The following PLSCR4 variants were observed in gnomAD, a reference collection of about 807,000 sequenced individuals.
PLSCR4 encodes phospholipid scramblase 4.
A neutral mutation model predicts 36.3 loss-of-function variants in PLSCR4; 25 were observed. The ratio of observed to expected loss-of-function variants is 0.69; its 90% CI spans 0.50 to 0.96. The LOEUF is 0.96. PLSCR4 is among the 40% of genes least tolerant of loss of function. PLSCR4 has a pLI of 0.00. For synonymous variants in PLSCR4, 122 were observed against 132.9 expected, an observed-to-expected ratio of 0.92 and a Z score of 0.56; for missense variants, 408 against 414.7, an observed-to-expected ratio of 0.98 and a Z score of 0.14.
At chr3:146,196,526 A>G in intron 7 of PLSCR4, 106 bp downstream of exon 7, 2 of 1,010,846 alleles carry the variant, frequency 2.0e-6, no homozygotes, top group Non-Finnish European at 3.0e-6. Flanking sequence ...TCCTAACACT[A>G]TGTTATTCAT....
In PLSCR4 at chr3:146,206,642, G is replaced by T; in HGVS notation, c.238C>A (p.Pro80Thr). 6.2e-7 allele frequency: 1 copy of T among 1,613,462 alleles called. No homozygotes were observed. Among genetic ancestry groups the T allele is most frequent in the Non-Finnish European group, 8.5e-7 (1 of 1,179,646 alleles). The change falls in exon 4 of 9, where the codon CCT (proline) becomes ACT (threonine). Residue 80 changes from proline (P) to threonine (T), a missense_variant. Pro to Thr is a conservative substitution (Grantham distance 38, BLOSUM62 -1). Coordinates refer to ENST00000354952, the MANE Select transcript of PLSCR4 (RefSeq NM_020353.3). ...TATTTGCCAGGCTGATACCGGACAG[G>T]ATGGATACCACCAACTGGCTGGTAC... ...PLYQPVGGIH[P>T]VRYQPGKYPM...
At chr3:146,222,740 G>A (rs114075026) in intron 1 of PLSCR4, among the ~76,000 whole-genome samples, 2 of 152,314 alleles carry the variant, frequency 1.3e-5, no homozygotes, top group African/African-American at 4.8e-5. Flanking sequence ...TTGCAACTGG[G>A]AAGTCTGGAG....
intron 3 of PLSCR4, 77 bp downstream of exon 3, chr3:146,220,738 G>C: frequency 8.2e-6 from 7 of 856,224 alleles, no homozygotes; most frequent in Non-Finnish European, 1.3e-5. Flanking sequence ...CAATTAATTT[G>C]TTCGCTTAAA....
chr3:146,226,400 G>A (rs2035480956), intron 1 of PLSCR4, among the ~76,000 whole-genome samples: 2 of 152,160 alleles, frequency 1.3e-5, no homozygotes, highest in Admixed American at 6.5e-5. Context: ...CTATCAAGGA[G>A]CCAGAGTGGA....
chr3:146,236,053 G>C (rs2035900850), intron 1 of PLSCR4, among the ~76,000 whole-genome samples: 1 of 151,826 alleles, frequency 6.6e-6, no homozygotes, highest in South Asian at 2.1e-4. Flanking sequence ...GGGAAGCAGA[G>C]CATGAAAGTT....
intron 3 of PLSCR4, among the ~76,000 whole-genome samples, chr3:146,207,855 A>G (rs2034417774): frequency 6.6e-6 from 1 of 152,028 alleles, no homozygotes; most frequent in Non-Finnish European, 1.5e-5. Context: ...TCATGCTTTA[A>G]GAGCACAGTC....
intron 1 of PLSCR4, among the ~76,000 whole-genome samples, chr3:146,226,487 CATCT>C (rs1352584496): frequency 6.6e-6 from 1 of 152,198 alleles, no homozygotes; most frequent in Non-Finnish European, 1.5e-5. Context: ...GTCCGCCTAT[CATCT>C]ATCTAGCTAT....
At chr3:146,237,768 A>G (rs891254841) in intron 1 of PLSCR4, among the ~76,000 whole-genome samples, 1 of 151,300 alleles carries the variant, frequency 6.6e-6, no homozygotes, top group Non-Finnish European at 1.5e-5. Context: ...AAGCTCTTAA[A>G]TAAATAACAT....
At chr3:146,201,227 C>T (rs1311623534) in intron 4 of PLSCR4, 150 bp from the exon 5 acceptor site, 1 of 529,940 alleles carries the variant, frequency 1.9e-6, no homozygotes, top group African/African-American at 2.0e-5. Flanking sequence ...ATTTTACCAA[C>T]TGAAATTAGC....
rs141268618 is a variant in PLSCR4, at chr3:146,206,724, G to A, written c.156C>T (p.Tyr52=). 1 of 1,604,484 alleles carries A rather than the reference G, an allele frequency of 6.2e-7. No homozygotes were observed. The highest frequency in any genetic ancestry group is 1.3e-5 in the African/African-American group (1 of 74,772). ...PGTAVPPPTG[Y]PGGLPMGYYS... ...AGTATCCCATAGGCAAGCCTCCTGG[G>A]TAGCCAGTAGGTGGAGGGACAGCTG... The change falls in exon 4 of 9, where the codon TAC becomes TAT. Residue 52 remains tyrosine, a synonymous_variant. Transcript: ENST00000354952.
At chr3:146,248,544 T>TTTAAG (rs10662243) in intron 1 of PLSCR4, among the ~76,000 whole-genome samples, 1 of 151,490 alleles carries the variant, frequency 6.6e-6, no homozygotes, top group Non-Finnish European at 1.5e-5. Context: ...GTGTTTTAAC[T>TTTAAG]TTATGTTTTG....
intron 4 of PLSCR4, among the ~76,000 whole-genome samples, chr3:146,201,965 C>A (rs183456319): frequency 5.3e-5 from 8 of 152,040 alleles, no homozygotes; most frequent in Middle Eastern, 3.4e-3. Context: ...GCCTGAAGTG[C>A]CATATTTCAC....
chr3:146,213,602 C>G (rs939565796), intron 3 of PLSCR4, among the ~76,000 whole-genome samples: 2 of 152,142 alleles, frequency 1.3e-5, no homozygotes, highest in Non-Finnish European at 2.9e-5. Flanking sequence ...GGATTACAGG[C>G]GTGAACCACA....
Position 146,194,351 on chromosome 3 carries a change from G to T in PLSCR4, c.*60C>A. The T allele has an allele frequency of 9.0e-7, 1 of 1,117,130 alleles. No homozygotes were observed. Among genetic ancestry groups the T allele is most frequent in the Non-Finnish European group, 1.4e-6 (1 of 728,486 alleles). The allele number at this position is 1,117,130 out of a possible 1,614,324, so 69.2% of individuals were successfully genotyped here. A position where few individuals can be genotyped will look rare whatever the true frequency, so the allele number is the denominator to read the frequency against. On this transcript the variant is annotated 3_prime_UTR_variant, in exon 9 of 9. Transcript: ENST00000354952. The stretch of plus-strand genomic sequence containing the variant: ...GCAAATAACTGAGTGCTGACTGTAA[G>T]CCCAATCCAACTTTTCCATTTTTCA...
chr3:146,197,050 C>A (rs2033785505), intron 6 of PLSCR4, among the ~76,000 whole-genome samples: 1 of 152,060 alleles, frequency 6.6e-6, no homozygotes, highest in Non-Finnish European at 1.5e-5. Context: ...GGCCAGTTGT[C>A]CAAGTTCAGT....
At chr3:146,216,450 A>C (rs1165269597) in intron 3 of PLSCR4, among the ~76,000 whole-genome samples, 1 of 152,166 alleles carries the variant, frequency 6.6e-6, no homozygotes, top group Non-Finnish European at 1.5e-5. Context: ...ATAAAAAGAA[A>C]GATAATAACT....
intron 6 of PLSCR4, among the ~76,000 whole-genome samples, chr3:146,197,977 C>G (rs1361263896): frequency 2.6e-5 from 4 of 152,054 alleles, no homozygotes; most frequent in Non-Finnish European, 5.9e-5. Context: ...CTTAAAAATT[C>G]ATACCATGGT....
intron 6 of PLSCR4, among the ~76,000 whole-genome samples, chr3:146,197,934 G>C (rs2033835349): frequency 6.6e-6 from 1 of 151,954 alleles, no homozygotes; most frequent in Admixed American, 6.6e-5. Flanking sequence ...TTAAACCTAT[G>C]AGATAAAAAT....
At chr3:146,235,129 A>C (rs1487754282) in intron 1 of PLSCR4, among the ~76,000 whole-genome samples, 3 of 152,194 alleles carry the variant, frequency 2.0e-5, no homozygotes, top group African/African-American at 7.2e-5. Context: ...ACCTCCACTG[A>C]TGTGGAAAAA....
Sources: allele counts gnomAD v4.1 joint callset (sites outside exome capture counted in the v4.1 genomes callset), GRCh38; gene constraint gnomAD v4.1.1; transcripts MANE v1.5; gene names NCBI Gene and HGNC (gene_info 2026-07-23, HGNC 2026-07-21).